The following PRIM2 variants were observed in gnomAD, a reference collection of about 807,000 sequenced individuals.
The protein encoded by PRIM2 is DNA primase large subunit.
In PRIM2, 39 loss-of-function variants were observed where a neutral mutation model predicts 67.3. The ratio of observed to expected loss-of-function variants is 0.58; its 90% CI spans 0.45 to 0.76. The LOEUF is 0.76. PRIM2 is among the 30% of genes least tolerant of loss of function. The probability of loss-of-function intolerance (pLI) is 0.00; values close to 1 mark genes in which losing one functional copy is unlikely to be tolerated. For synonymous variants in PRIM2, 143 were observed against 198.7 expected (o/e 0.72, Z 2.36); for missense variants, 398 against 598.7 (o/e 0.66, Z 3.50).
intron 10 of PRIM2, among the ~76,000 whole-genome samples, chr6:57,545,319 A>G (rs1437924287): frequency 6.6e-6 from 1 of 152,082 alleles, no homozygotes; most frequent in Non-Finnish European, 1.5e-5. Context: ...TCTACTTGGC[A>G]TAGTTCAGCC....
chr6:57,456,614 C>G (rs572319877), intron 7 of PRIM2, among the ~76,000 whole-genome samples: 1 of 152,124 alleles, frequency 6.6e-6, no homozygotes, highest in African/African-American at 2.4e-5. Context: ...ACGTAGTTCT[C>G]GTGCCTTGGT....
chr6:57,395,840 C>T (rs938840232), intron 7 of PRIM2, among the ~76,000 whole-genome samples: 4 of 152,038 alleles, frequency 2.6e-5, no homozygotes, highest in African/African-American at 9.7e-5. Context: ...TGCTGTATCC[C>T]AGAGGTTTTG....
intron 7 of PRIM2, among the ~76,000 whole-genome samples, chr6:57,477,153 G>A (rs1455255246): frequency 6.6e-6 from 1 of 152,000 alleles, no homozygotes; most frequent in Non-Finnish European, 1.5e-5. Context: ...ACCATGCCCA[G>A]CTGATTTTTA....
At chr6:57,414,677 T>C (rs2127366723) in intron 7 of PRIM2, among the ~76,000 whole-genome samples, 1 of 152,284 alleles carries the variant, frequency 6.6e-6, no homozygotes, top group Admixed American at 6.5e-5. Flanking sequence ...TTCTTAATTA[T>C]CAGAGTTCTT....
intron 6 of PRIM2, among the ~76,000 whole-genome samples, chr6:57,380,323 C>T (rs1769915219): frequency 6.6e-6 from 1 of 152,164 alleles, no homozygotes; most frequent in Non-Finnish European, 1.5e-5. Flanking sequence ...CCATTTGGCC[C>T]AACACTCTGT....
chr6:57,531,521 T>C (rs1232019348), intron 8 of PRIM2, among the ~76,000 whole-genome samples: 3 of 152,184 alleles, frequency 2.0e-5, no homozygotes, highest in African/African-American at 7.2e-5. Context: ...CCTGAGTCTG[T>C]GTTCATGGAG....
the PRIM2 span, among the ~76,000 whole-genome samples, chr6:57,228,045 C>A: frequency 1.3e-5 from 2 of 152,192 alleles, no homozygotes; most frequent in African/African-American, 4.8e-5. Flanking sequence ...TTAACCACTT[C>A]TACTCAACAA....
At chr6:57,587,629 A>C (rs1776214585) in intron 10 of PRIM2, among the ~76,000 whole-genome samples, 1 of 132,984 alleles carries the variant, frequency 7.5e-6, no homozygotes, top group Non-Finnish European at 1.5e-5. Flanking sequence ...AAGCCACTGT[A>C]CTCCAGCCTG....
chr6:57,389,213 G>A (rs2397254), intron 7 of PRIM2, among the ~76,000 whole-genome samples: 4 of 152,070 alleles, frequency 2.6e-5, no homozygotes, highest in Admixed American at 6.6e-5. Flanking sequence ...CAAGCAGTCC[G>A]CCTGCCTTAG....
chr6:57,376,219 G>A (rs77714114), intron 5 of PRIM2, among the ~76,000 whole-genome samples: 7,278 of 152,072 alleles, frequency 0.048, 311 homozygotes, highest in African/African-American at 0.11. Context: ...TCACTTAGTC[G>A]CCCAGGCTAG....
chr6:57,318,708 G>A, intron 2 of PRIM2, 109 bp downstream of exon 2: 8 of 885,078 alleles, frequency 9.0e-6, no homozygotes, highest in South Asian at 1.7e-5. Context: ...CATTCAACAA[G>A]TATTTATTGA....
intron 10 of PRIM2, among the ~76,000 whole-genome samples, chr6:57,593,849 T>G (rs1161455800): frequency 2.0e-5 from 3 of 152,202 alleles, no homozygotes; most frequent in Non-Finnish European, 4.4e-5. Flanking sequence ...GAGTCCAAAT[T>G]TTAGACATGT....
In PRIM2 at chr6:57,514,505, T is replaced by C. The variant is rs1298738239; in HGVS notation, c.761+7051T>C. Among the ~76,000 whole-genome samples the C allele has an allele frequency of 2.0e-5, 3 of 152,192 alleles. 1 individual carries two copies. Among genetic ancestry groups the C allele is most frequent in the Admixed American group, 2.0e-4 (3 of 15,276 alleles). Reference sequence around the variant, plus strand: ...TTTCTCATCACCTGTTTCCAGTCTCTGGCAGTACCTTGAACATTTATTTCC... The same window carrying C: ...TTTCTCATCACCTGTTTCCAGTCTCCGGCAGTACCTTGAACATTTATTTCC... On this transcript the variant is annotated intron_variant, in intron 8 of 13. Transcript: ENST00000615550.
At chr6:57,316,531 A>G (rs1767488552), upstream of PRIM2, among the ~76,000 whole-genome samples, 1 of 152,244 alleles carries the variant, frequency 6.6e-6, no homozygotes, top group African/African-American at 2.4e-5. Context: ...GCCACAGTTT[A>G]GTCCAGGCTG....
chr6:57,474,743 T>C (rs1773433971), intron 7 of PRIM2, among the ~76,000 whole-genome samples: 1 of 152,088 alleles, frequency 6.6e-6, no homozygotes, highest in African/African-American at 2.4e-5. Flanking sequence ...AGAGGTGTAC[T>C]CAGTTTATGA....
chr6:57,304,484 A>C, the PRIM2 span, among the ~76,000 whole-genome samples: 1 of 152,220 alleles, frequency 6.6e-6, no homozygotes, highest in African/African-American at 2.4e-5. Flanking sequence ...AGTTTGTAGA[A>C]AAACAGCTGC....
chr6:57,482,638 A>T (rs1308749323), intron 7 of PRIM2, among the ~76,000 whole-genome samples: 1 of 152,222 alleles, frequency 6.6e-6, no homozygotes, highest in Non-Finnish European at 1.5e-5. Context: ...AAGAGGAACC[A>T]GTAGTACCGT....
At chr6:57,576,022 C>T (rs1385635083) in intron 10 of PRIM2, among the ~76,000 whole-genome samples, 278 of 152,232 alleles carry the variant, frequency 1.8e-3, no homozygotes, top group African/African-American at 6.3e-3. Flanking sequence ...AGGTGATCCA[C>T]CCACCTCAGC....
chr6:57,375,033 C>G (rs572138467), intron 5 of PRIM2, among the ~76,000 whole-genome samples: 23 of 152,350 alleles, frequency 1.5e-4, no homozygotes, highest in Non-Finnish European at 2.8e-4. Context: ...TTGACTTTCT[C>G]TCCTCCTATT....
Sources: gnomAD v4.1 joint callset for allele counts (sites outside exome capture counted in the v4.1 genomes callset) on GRCh38, gnomAD v4.1.1 for gene constraint, MANE v1.5 for transcripts, NCBI Gene and HGNC (gene_info 2026-07-23, HGNC 2026-07-21) for gene names.